LOXHD1: variants seen among roughly 807,000 people sequenced by gnomAD.
LOXHD1 encodes lipoxygenase homology PLAT domains 1, also known as lipoxygenase homology domain-containing protein 1.
Under a neutral mutation model 248.2 loss-of-function variants are expected in LOXHD1, and 205 were observed. That is an observed-to-expected ratio of 0.83 (90% CI 0.74 to 0.93). The LOEUF is 0.93. Ranked by LOEUF, LOXHD1 falls within the 40% of genes least tolerant of loss-of-function variation. The probability of loss-of-function intolerance (pLI) is 0.00; values close to 1 mark genes in which losing one functional copy is unlikely to be tolerated. For synonymous variants in LOXHD1, 1,113 were observed against 1,162.8 expected (o/e 0.96, Z 0.87); for missense variants, 2,930 against 2,971.6 (o/e 0.99, Z 0.33).
At position 46,639,635 on chromosome 18, in the gene LOXHD1, G is replaced by A; in HGVS notation, c.492C>T (p.Asn164=). ...QWCRDLLASF[N]PMDMPRGNKY... ...ACTGACCTCTGGGCATGTCCATGGG[G>A]TTGAAGCTGGCCAGCAGGTCACGGC... is the stretch of plus-strand genomic sequence containing the variant. The change falls in exon 4 of 41, where the codon AAC becomes AAT. Residue 164 remains asparagine (N), a synonymous_variant. Coordinates refer to ENST00000642948, the MANE Select transcript of LOXHD1 (RefSeq NM_001384474.1). 3 of 1,551,694 alleles carry A rather than the reference G, an allele frequency of 1.9e-6. No homozygotes were observed. The highest frequency in any genetic ancestry group is 2.6e-6 in the Non-Finnish European group (3 of 1,146,966).
chr18:46,493,942 T>A (rs2033664144), intron 37 of LOXHD1, among the ~76,000 whole-genome samples: 1 of 152,212 alleles, frequency 6.6e-6, no homozygotes, highest in Non-Finnish European at 1.5e-5. Flanking sequence ...ACAAATCCCC[T>A]AGCCCAGTGA....
chr18:46,534,489 A>G (rs1248840267), intron 26 of LOXHD1, 38 bp from the exon 27 acceptor site: 1 of 1,488,150 alleles, frequency 6.7e-7, no homozygotes, highest in Non-Finnish European at 9.2e-7. Context: ...GTTAGCTGAA[A>G]GATCCAGGAA....
chr18:46,556,509 GC>G (rs1369100814), intron 21 of LOXHD1, among the ~76,000 whole-genome samples: 8 of 152,214 alleles, frequency 5.3e-5, no homozygotes, highest in African/African-American at 1.9e-4. Context: ...GAGAGGCAAT[GC>G]CCATCCAGCC....
chr18:46,484,563 T>G (rs1449668707), intron 39 of LOXHD1, among the ~76,000 whole-genome samples: 1 of 152,156 alleles, frequency 6.6e-6, no homozygotes, highest in Non-Finnish European at 1.5e-5. Flanking sequence ...AGAAATACAT[T>G]TCTGTTGTTT....
At chr18:46,653,550 G>C (rs528473076) in intron 1 of LOXHD1, among the ~76,000 whole-genome samples, 1 of 152,330 alleles carries the variant, frequency 6.6e-6, no homozygotes, top group East Asian at 1.9e-4. Flanking sequence ...TTGAACTCCA[G>C]ATGGGAAGAC....
At chr18:46,582,248 G>A (rs553030216) in intron 12 of LOXHD1, among the ~76,000 whole-genome samples, 1 of 152,214 alleles carries the variant, frequency 6.6e-6, no homozygotes, top group East Asian at 1.9e-4. Flanking sequence ...ATGTAAAGAT[G>A]CAATTTATAT....
rs899694804 is a variant in LOXHD1 at position 46,524,893 on chromosome 18, C to T, written c.4555G>A (p.Ala1519Thr). 1.7e-5 allele frequency: 26 copies of T among 1,551,584 alleles called. No individual in the cohort carries two copies. Among genetic ancestry groups the T allele is most frequent in the East Asian group, 4.9e-5 (2 of 40,930 alleles). Residue 1519 changes from alanine to threonine, a missense_variant, in exon 30 of 41, where the codon GCT becomes ACT. Physicochemically the swap from Ala to Thr is moderately conservative, Grantham distance 58 (BLOSUM62 0). Transcript: ENST00000642948. ...GTADTFIIEA[A>T]DLGVIYKIKL... Reference sequence around the variant, plus strand: ...ATCTTGTAGATGACGCCTAGGTCAGCGGCCTCGATGATGAAGGTGTCAGCC... The same window carrying T: ...ATCTTGTAGATGACGCCTAGGTCAGTGGCCTCGATGATGAAGGTGTCAGCC...
intron 14 of LOXHD1, among the ~76,000 whole-genome samples, chr18:46,576,988 G>A (rs913501799): frequency 6.6e-6 from 1 of 152,206 alleles, no homozygotes; most frequent in Non-Finnish European, 1.5e-5. Flanking sequence ...CCCTGGACCA[G>A]CCCTAATAAA....
chr18:46,587,949 C>T (rs923650078), intron 12 of LOXHD1, among the ~76,000 whole-genome samples: 1 of 152,042 alleles, frequency 6.6e-6, no homozygotes, highest in Non-Finnish European at 1.5e-5. Flanking sequence ...TTTGGCTGGC[C>T]CTTAATTTGT....
chr18:46,582,623 T>A (rs1223678111), intron 12 of LOXHD1, among the ~76,000 whole-genome samples: 1 of 152,170 alleles, frequency 6.6e-6, no homozygotes, highest in Non-Finnish European at 1.5e-5. Flanking sequence ...TACATTAAAT[T>A]TAATTAGACT....
intron 12 of LOXHD1, among the ~76,000 whole-genome samples, chr18:46,591,150 G>A (rs1220573340): frequency 1.3e-5 from 2 of 152,090 alleles, no homozygotes; most frequent in Admixed American, 1.3e-4. Context: ...TGGAACTATG[G>A]GTGACATTGT....
chr18:46,487,191 C>CAGCAA (rs1368161800), intron 38 of LOXHD1, among the ~76,000 whole-genome samples: 1 of 152,158 alleles, frequency 6.6e-6, no homozygotes, highest in Non-Finnish European at 1.5e-5. Flanking sequence ...AAGGGGCCAC[C>CAGCAA]AGCAAAGCTA....
intron 12 of LOXHD1, among the ~76,000 whole-genome samples, chr18:46,583,546 A>T (rs1203779280): frequency 1.3e-5 from 2 of 152,224 alleles, no homozygotes; most frequent in Non-Finnish European, 2.9e-5. Context: ...GACATTTCTC[A>T]AAAGAAGACA....
chr18:46,609,086 T>C (rs937913531), intron 6 of LOXHD1, among the ~76,000 whole-genome samples: 1 of 152,206 alleles, frequency 6.6e-6, no homozygotes, highest in Non-Finnish European at 1.5e-5. Flanking sequence ...CAGAAAACAG[T>C]CTTTATGCCC....
rs971010152 is a variant in LOXHD1 at position 46,547,037 on chromosome 18, A to G, written c.3372T>C (p.Arg1124=). Residue 1124 remains arginine, a synonymous_variant, in exon 22 of 41, where the codon CGT becomes CGC. Coordinates refer to ENST00000642948, the MANE Select transcript of LOXHD1 (RefSeq NM_001384474.1). Reference sequence around the variant, plus strand: ...CATCATCTTCCTCCACTGCCAGCCAACGTTGGCATGGAAAGTAGTACCTGT... The same window carrying G: ...CATCATCTTCCTCCACTGCCAGCCAGCGTTGGCATGGAAAGTAGTACCTGT... ...NEITYYFPCQ[R]WLAVEEDDGQ... The G allele has an allele frequency of 2.1e-5, 32 of 1,551,774 alleles. No homozygotes were observed. The Admixed American group carries it at 5.7e-4, about 28-fold the overall frequency.
chr18:46,612,729 T>G (rs78334823), intron 5 of LOXHD1, among the ~76,000 whole-genome samples: 3,574 of 152,236 alleles, frequency 0.023, 132 homozygotes, highest in East Asian at 0.073. Flanking sequence ...TAAAAATTTT[T>G]TATTTTTGTT....
chr18:46,629,804 A>G (rs1454825252), intron 4 of LOXHD1, among the ~76,000 whole-genome samples: 8 of 151,374 alleles, frequency 5.3e-5, no homozygotes, highest in Non-Finnish European at 8.8e-5. Flanking sequence ...AAAAAAAAAA[A>G]AAAGAAAAAA....
rs2038209099 is a variant in LOXHD1 at position 46,593,496 on chromosome 18, T to G, written c.1431+104A>C. 8 of 1,346,710 alleles carry G rather than the reference T, an allele frequency of 5.9e-6. No homozygotes were observed. The Admixed American group carries it at 1.4e-4, about 24-fold the overall frequency. 83.4% of individuals were successfully genotyped at this position (1,346,710 alleles called of 1,614,324 possible). ...AAATCTCCATCGTACATTTTTGTCT[T>G]CAAACTTGGTCCAAAACCTGGCTTA... On this transcript the variant is annotated intron_variant, in intron 10 of 40. Coordinates refer to ENST00000642948, the MANE Select transcript of LOXHD1 (RefSeq NM_001384474.1).
intron 25 of LOXHD1, among the ~76,000 whole-genome samples, chr18:46,539,467 A>C (rs2036464127): frequency 6.6e-6 from 1 of 152,006 alleles, no homozygotes; most frequent in South Asian, 2.1e-4. Context: ...TCTTAAAAAA[A>C]AAATGCAGAT....
Sources: gnomAD v4.1 joint callset for allele counts (sites outside exome capture counted in the v4.1 genomes callset) on GRCh38, gnomAD v4.1.1 for gene constraint, MANE v1.5 for transcripts, NCBI Gene and HGNC (gene_info 2026-07-23, HGNC 2026-07-21) for gene names.